Variants in THSD7A observed in about 807,000 individuals in gnomAD.
THSD7A encodes thrombospondin type 1 domain containing 7A.
In THSD7A, 96 loss-of-function variants were observed where a neutral mutation model predicts 231.3. That is an observed-to-expected ratio of 0.41 (90% CI 0.35 to 0.49). The LOEUF is 0.49. Among genes scored for constraint, THSD7A ranks in the 20% least tolerant of loss-of-function variants. The pLI, the probability that THSD7A is intolerant of heterozygous loss-of-function variation, is 0.05. For synonymous variants in THSD7A, 940 were observed against 743.3 expected, an observed-to-expected ratio of 1.26 and a Z score of -4.30; for missense variants, 2,290 against 2,070.2, an observed-to-expected ratio of 1.11 and a Z score of -2.06.
intron 1 of THSD7A, among the ~76,000 whole-genome samples, chr7:11,716,361 G>T (rs978030015): frequency 6.6e-6 from 1 of 151,524 alleles, no homozygotes; most frequent in Admixed American, 6.6e-5. Context: ...AGATTAATAG[G>T]TAAACAGGAA....
intron 1 of THSD7A, chr7:11,820,923 C>T: frequency 1.1e-6 from 1 of 942,212 alleles, no homozygotes; most frequent in South Asian, 1.4e-5. Flanking sequence ...AGATTTACCT[C>T]GCTGAAGATC....
chr7:11,399,585 G>T (rs1163415690), intron 23 of THSD7A, among the ~76,000 whole-genome samples: 1 of 152,162 alleles, frequency 6.6e-6, no homozygotes, highest in African/African-American at 2.4e-5. Flanking sequence ...GGCCATCAGA[G>T]AAATGCAAAT....
intron 6 of THSD7A, among the ~76,000 whole-genome samples, chr7:11,488,354 G>A (rs1054188283): frequency 6.6e-6 from 1 of 151,958 alleles, no homozygotes; most frequent in Non-Finnish European, 1.5e-5. Flanking sequence ...ATATTTGCAT[G>A]GACCTTTCTA....
chr7:11,797,667 C>T (rs909801950), intron 1 of THSD7A, among the ~76,000 whole-genome samples: 1 of 151,996 alleles, frequency 6.6e-6, no homozygotes, highest in Non-Finnish European at 1.5e-5. Flanking sequence ...AATCCTCCCA[C>T]CTCGGCCTCC....
intron 6 of THSD7A, among the ~76,000 whole-genome samples, chr7:11,490,282 A>C (rs992890026): frequency 4.6e-5 from 7 of 152,140 alleles, no homozygotes; most frequent in Non-Finnish European, 8.8e-5. Flanking sequence ...ATACATGATG[A>C]AAATTTAGGG....
chr7:11,489,485 A>T (rs1786799679), intron 6 of THSD7A, among the ~76,000 whole-genome samples: 1 of 152,092 alleles, frequency 6.6e-6, no homozygotes, highest in Non-Finnish European at 1.5e-5. Flanking sequence ...ACCAGGAATT[A>T]TCTTTCTCAA....
chr7:11,775,711 A>C (rs1461510073), intron 1 of THSD7A, among the ~76,000 whole-genome samples: 1 of 152,202 alleles, frequency 6.6e-6, no homozygotes, highest in Non-Finnish European at 1.5e-5. Flanking sequence ...ATTATTGTTT[A>C]ACTGGTACAG....
chr7:11,825,353 A>G (rs1192003013), intron 1 of THSD7A, among the ~76,000 whole-genome samples: 1 of 152,160 alleles, frequency 6.6e-6, no homozygotes, highest in Non-Finnish European at 1.5e-5. Flanking sequence ...TAGAGGTAAG[A>G]TGTAAACAGT....
chr7:11,803,506 T>C (rs565104360), intron 1 of THSD7A, among the ~76,000 whole-genome samples: 1 of 152,078 alleles, frequency 6.6e-6, no homozygotes, highest in East Asian at 1.9e-4. Context: ...GTAAGAGCTA[T>C]GAGATTGAGA....
In THSD7A at chr7:11,696,801, A is replaced by G. The variant is rs558463119; in HGVS notation, c.191-59840T>C. 1.8e-3 allele frequency among the ~76,000 whole-genome samples: 272 copies of G among 151,582 alleles called. 1 individual carries two copies. The highest frequency in any genetic ancestry group is 6.3e-3 in the African/African-American group (262 of 41,470). ...CAGGGCAGGGTTTTCAAACCCGTAT[A>G]CTTATAGGCATGCAGCATAAATGAC... is the stretch of plus-strand genomic sequence containing the variant. On this transcript the variant is annotated intron_variant, in intron 1 of 27. Coordinates refer to ENST00000423059, the MANE Select transcript of THSD7A (RefSeq NM_015204.3).
chr7:11,748,871 A>T (rs1562526796), intron 1 of THSD7A, among the ~76,000 whole-genome samples: 1 of 152,054 alleles, frequency 6.6e-6, no homozygotes, highest in African/African-American at 2.4e-5. Context: ...AAAATAAATC[A>T]TAATACTTTG....
intron 1 of THSD7A, among the ~76,000 whole-genome samples, chr7:11,640,826 A>T (rs1782050993): frequency 6.6e-6 from 1 of 152,154 alleles, no homozygotes; most frequent in South Asian, 2.1e-4. Flanking sequence ...CTGGCATCTT[A>T]TTTATAACAC....
At chr7:11,754,974 G>C (rs1316149876) in intron 1 of THSD7A, among the ~76,000 whole-genome samples, 1 of 151,958 alleles carries the variant, frequency 6.6e-6, no homozygotes, top group Non-Finnish European at 1.5e-5. Context: ...TATTCCTTAG[G>C]CGTAAGAATA....
chr7:11,773,842 A>C (rs1039989131), intron 1 of THSD7A, among the ~76,000 whole-genome samples: 1 of 152,186 alleles, frequency 6.6e-6, no homozygotes. Flanking sequence ...GGTGATTAAT[A>C]AAAAGCCTGT....
intron 1 of THSD7A, among the ~76,000 whole-genome samples, chr7:11,741,688 T>C (rs1419370685): frequency 1.3e-5 from 2 of 151,706 alleles, no homozygotes; most frequent in African/African-American, 2.4e-5. Flanking sequence ...GGTTAAAACT[T>C]TAGGAGGGGA....
At chr7:11,626,743 T>C (rs2128355829) in intron 2 of THSD7A, among the ~76,000 whole-genome samples, 1 of 152,178 alleles carries the variant, frequency 6.6e-6, no homozygotes, top group African/African-American at 2.4e-5. Context: ...TCAGAGACTA[T>C]TGGAATACAT....
chr7:11,749,192 T>C (rs1181530237), intron 1 of THSD7A, among the ~76,000 whole-genome samples: 1 of 152,014 alleles, frequency 6.6e-6, no homozygotes, highest in Non-Finnish European at 1.5e-5. Flanking sequence ...TCAGTGCTCC[T>C]TATCACACAT....
At chr7:11,591,016 G>A (rs1780141660) in intron 3 of THSD7A, among the ~76,000 whole-genome samples, 1 of 152,148 alleles carries the variant, frequency 6.6e-6, no homozygotes, top group South Asian at 2.1e-4. Context: ...AACATTCTGA[G>A]TGATGATGAA....
chr7:11,698,458 T>C (rs1433137853), intron 1 of THSD7A, among the ~76,000 whole-genome samples: 2 of 151,072 alleles, frequency 1.3e-5, no homozygotes, highest in Non-Finnish European at 3.0e-5. Context: ...CTATGTAATG[T>C]TACCTCTTAC....
Sources: allele counts gnomAD v4.1 joint callset (sites outside exome capture counted in the v4.1 genomes callset), GRCh38; gene constraint gnomAD v4.1.1; transcripts MANE v1.5; gene names NCBI Gene and HGNC (gene_info 2026-07-23, HGNC 2026-07-21).